ADCY4: variants seen among roughly 807,000 people sequenced by gnomAD.
ADCY4 encodes the protein adenylate cyclase type 4.
Under a neutral mutation model 125.5 loss-of-function variants are expected in ADCY4, and 111 were observed. The ratio of observed to expected loss-of-function variants is 0.88; its 90% CI spans 0.76 to 1.04. ADCY4 has a LOEUF of 1.04. Among genes scored for constraint, ADCY4 ranks in the 50% least tolerant of loss-of-function variants. The pLI is 0.00. For missense variants in ADCY4, 1,256 were observed against 1,382.9 expected (o/e 0.91, Z 1.46); for synonymous variants, 576 against 586.9 (o/e 0.98, Z 0.27).
Position 24,329,509 on chromosome 14 carries a change from G to A in ADCY4, c.1242C>T (p.Thr414=), listed in dbSNP as rs779005240. ...VPGRVHITGA[T]LALLAGAYAV... ...CATAAGCCCCTGCCAGCAGGGCCAGGGTAGCCCCTGTGATGTGCACTCGCC... is the reference window on the plus strand; with the variant it reads ...CATAAGCCCCTGCCAGCAGGGCCAGAGTAGCCCCTGTGATGTGCACTCGCC... Residue 414 remains threonine, a synonymous_variant, in exon 9 of 25, where the codon ACC becomes ACT. Coordinates refer to ENST00000418030, the MANE Select transcript of ADCY4 (RefSeq NM_001198568.2). The A allele has an allele frequency of 1.9e-6, 3 of 1,551,924 alleles. No individual in the cohort carries two copies. Among genetic ancestry groups the A allele is most frequent in the Non-Finnish European group, 2.6e-6 (3 of 1,152,758 alleles).
In ADCY4 at chr14:24,318,541, G is replaced by C. The variant is rs777454246; in HGVS notation, c.3109C>G (p.Gln1037Glu). Residue 1037 changes from glutamine (Q) to glutamate (E), a missense_variant, in exon 25 of 25, where the codon CAG becomes GAG. Gln to Glu is a conservative substitution (Grantham distance 29). Transcript: ENST00000418030. Reference sequence around the variant, plus strand: ...CTGTAGCAGGTGTAGCCCAGGGACTGTAGGGCCCATGCTGTCTCCTCAGTC... The same window carrying C: ...CTGTAGCAGGTGTAGCCCAGGGACTCTAGGGCCCATGCTGTCTCCTCAGTC... ...QVTEETAWAL[Q>E]SLGYTCYSRG... 9 of 1,614,182 alleles carry C rather than the reference G, an allele frequency of 5.6e-6. No homozygotes were observed. In the East Asian group the frequency reaches 6.7e-5, roughly 12 times the overall value.
At position 24,334,347 on chromosome 14, in the gene ADCY4, G is replaced by A. The variant is rs976016977; in HGVS notation, c.159+147C>T. ...CCAGAAGGGTAGAGTGACTTGCCCA[G>A]GGTCACTGCAGTTCCTAGCCAGGCT... On this transcript the variant is annotated intron_variant, in intron 1 of 24. Coordinates refer to ENST00000418030, the MANE Select transcript of ADCY4 (RefSeq NM_001198568.2). The A allele has an allele frequency of 3.7e-6, 5 of 1,349,334 alleles. No homozygotes were observed. The African/African-American group carries it at 7.4e-5, about 20-fold the overall frequency. 83.6% of individuals were successfully genotyped at this position (1,349,334 alleles called of 1,614,324 possible).
At chr14:24,331,453 G>C (rs986954219) in intron 4 of ADCY4, 97 bp from the exon 5 acceptor site, 48 of 1,534,388 alleles carry the variant, frequency 3.1e-5, no homozygotes, top group Non-Finnish European at 3.9e-5. Context: ...CCCATCCTAG[G>C]TGCTCCCCAG....
chr14:24,319,215 G>A lies in ADCY4; in HGVS notation c.2842-3C>T. The A allele has an allele frequency of 6.2e-7, 1 of 1,614,106 alleles. No homozygotes were observed. The highest frequency in any genetic ancestry group is 8.5e-7 in the Non-Finnish European group (1 of 1,179,994). On this transcript the variant is annotated splice_polypyrimidine_tract_variant and splice_region_variant and intron_variant, in intron 22 of 24. Transcript: ENST00000418030. The surrounding 1 kb of genome is among the most constrained non-coding windows in gnomAD (Gnocchi z 4.5). ...TGGCTGCAGCTCCGTTCAGCATCCT[G>A]GCAATGGGCCCGCCCACCAGGGTGG... is the stretch of plus-strand genomic sequence containing the variant.
At position 24,334,755 on chromosome 14, in the gene ADCY4, C is replaced by T. The variant is rs2042107531; in HGVS notation, c.-103G>A. 6.5e-6 allele frequency: 6 copies of T among 928,794 alleles called. No homozygotes were observed. Among genetic ancestry groups the T allele is most frequent in the Non-Finnish European group, 9.3e-6 (6 of 647,102 alleles). 57.5% of individuals were successfully genotyped at this position (928,794 alleles called of 1,614,324 possible). ...TGAGCTTTTCTCACCCGCTCAAAGCCGCTACCACCCCGCGCCCCCAACCTC... is the reference window on the plus strand; with the variant it reads ...TGAGCTTTTCTCACCCGCTCAAAGCTGCTACCACCCCGCGCCCCCAACCTC... On this transcript the variant is annotated 5_prime_UTR_variant, in exon 1 of 25. Coordinates refer to ENST00000418030, the MANE Select transcript of ADCY4 (RefSeq NM_001198568.2).
In ADCY4 at chr14:24,329,186, G is replaced by C; in HGVS notation, c.1399C>G (p.Leu467Val). The change falls in exon 10 of 25, where the codon CTT becomes GTT. Residue 467 changes from leucine to valine, a missense_variant. Physicochemically the swap from Leu to Val is conservative, Grantham distance 32. Transcript: ENST00000418030. ...KGTAGGLLSSLEGLKMRPSLL... is the reference protein window; with the variant it reads ...KGTAGGLLSSVEGLKMRPSLL... Reference sequence around the variant, plus strand: ...GATGGACGCATCTTGAGGCCCTCAAGCGAGGACAGCAAGCCTCCTGCAGTG... The same window carrying C: ...GATGGACGCATCTTGAGGCCCTCAACCGAGGACAGCAAGCCTCCTGCAGTG... 6.2e-7 allele frequency: 1 copy of C among 1,613,932 alleles called. No individual in the cohort carries two copies.
chr14:24,331,258 C>A lies in ADCY4; in HGVS notation c.768G>T (p.Glu256Asp), dbSNP rs1433759416. 1.2e-6 allele frequency: 2 copies of A among 1,614,202 alleles called. No homozygotes were observed. The highest frequency in any genetic ancestry group is 3.3e-5 in the Admixed American group (2 of 60,034). The change falls in exon 5 of 25, where the codon GAG becomes GAT. Residue 256 changes from glutamate to aspartate, a missense_variant. By Grantham distance (45) the Glu-to-Asp change is conservative. Coordinates refer to ENST00000418030, the MANE Select transcript of ADCY4 (RefSeq NM_001198568.2). ...RLQAGQGSRP[E>D]STNNFHSLYV... is the part of the protein sequence containing the mutation. ...AGAGGCTGTGGAAATTGTTAGTGCT[C>A]TCTGGCCGTGACCCCTGTCCTGCCT...
intron 20 of ADCY4, chr14:24,321,735 T>G (rs1443927802): frequency 6.1e-6 from 6 of 985,446 alleles, no homozygotes; most frequent in Non-Finnish European, 7.4e-6. Context: ...TGTAGCCCAG[T>G]TCCCAACAGG....
At chr14:24,330,958 G>T (rs190414982) in intron 6 of ADCY4, 60 bp downstream of exon 6, 8 of 1,476,464 alleles carry the variant, frequency 5.4e-6, no homozygotes, top group Non-Finnish European at 7.3e-6. Flanking sequence ...TCCCTTGGAA[G>T]GGGCTACCCA....
chr14:24,323,352 T>C lies in ADCY4; in HGVS notation c.2149A>G (p.Ser717Gly). 6.4e-7 allele frequency: 1 copy of C among 1,553,184 alleles called. No individual in the cohort carries two copies. The highest frequency in any genetic ancestry group is 8.7e-7 in the Non-Finnish European group (1 of 1,147,080). Residue 717 changes from serine to glycine, a missense_variant, in exon 17 of 25, where the codon AGT (serine) becomes GGT (glycine). Transcript: ENST00000418030. ...CATGTGGGAACACTCACTGGGACAC[T>C]GATGAGAGGCAGAGACCCAGGGAGC... is the stretch of plus-strand genomic sequence containing the variant. Reference protein sequence around the residue: ...WELPGSLPLISVPYSMHCCTL... With the variant: ...WELPGSLPLIGVPYSMHCCTL...
intron 11 of ADCY4, 44 bp from the exon 12 acceptor site, chr14:24,326,209 G>C: frequency 1.2e-6 from 2 of 1,612,728 alleles, no homozygotes; most frequent in South Asian, 1.1e-5. Context: ...GACCCTCAGA[G>C]CGTCTGGGCA....
At position 24,319,297 on chromosome 14, in the gene ADCY4, G is replaced by A; in HGVS notation, c.2841+32C>T. On this transcript the variant is annotated intron_variant, in intron 22 of 24. Transcript: ENST00000418030. The surrounding 1 kb of genome is among the most constrained non-coding windows in gnomAD (Gnocchi z 4.5). ...ATAAGCCCATCAATGAGAGCCCAGA[G>A]GAGGATGGTAGGTAAGGAAGGGTTG... The A allele has an allele frequency of 1.2e-6, 2 of 1,612,752 alleles. No individual in the cohort carries two copies. Among genetic ancestry groups the A allele is most frequent in the Non-Finnish European group, 1.7e-6 (2 of 1,178,770 alleles).
rs1443160407 is a variant in ADCY4, at chr14:24,325,485, G to A, written c.1726-11C>T. On this transcript the variant is annotated splice_polypyrimidine_tract_variant and intron_variant, in intron 13 of 24. Coordinates refer to ENST00000418030, the MANE Select transcript of ADCY4 (RefSeq NM_001198568.2). ...TGCAGAGAGTCGGTACTGAAAGTGAGAGGGCCAGAGGTGGAGACAGGGTCC... is the reference window on the plus strand; with the variant it reads ...TGCAGAGAGTCGGTACTGAAAGTGAAAGGGCCAGAGGTGGAGACAGGGTCC... 1 of 1,607,396 alleles carries A rather than the reference G, an allele frequency of 6.2e-7. No homozygotes were observed.
intron 10 of ADCY4, among the ~76,000 whole-genome samples, chr14:24,328,148 C>A (rs1486160615): frequency 6.6e-6 from 1 of 150,456 alleles, no homozygotes; most frequent in African/African-American, 2.5e-5. Flanking sequence ...GGAAGACGCC[C>A]GTCACCAAGC....
At chr14:24,321,739 C>T in intron 20 of ADCY4, 1 of 1,004,934 alleles carries the variant, frequency 1.0e-6, no homozygotes, top group Non-Finnish European at 1.2e-6. Flanking sequence ...GCCCAGTTCC[C>T]AACAGGTCAT....
chr14:24,334,670 G>C lies in ADCY4; in HGVS notation c.-18C>G, dbSNP rs949457313. The C allele has an allele frequency of 3.3e-6, 5 of 1,526,622 alleles. No homozygotes were observed. In the African/African-American group the frequency reaches 4.2e-5, roughly 13 times the overall value. 94.6% of individuals were successfully genotyped at this position (1,526,622 alleles called of 1,614,324 possible). On this transcript the variant is annotated 5_prime_UTR_variant, in exon 1 of 25. Coordinates refer to ENST00000418030, the MANE Select transcript of ADCY4 (RefSeq NM_001198568.2). ...CGGGCCATGATCTCCCCAGCCCCGAGCCCCGGGGCTGGCTAGGGCCGGGCG... is the reference window on the plus strand; with the variant it reads ...CGGGCCATGATCTCCCCAGCCCCGACCCCCGGGGCTGGCTAGGGCCGGGCG...
At position 24,322,063 on chromosome 14, in the gene ADCY4, C is replaced by T; in HGVS notation, c.2586+3G>A. On this transcript the variant is annotated splice_donor_region_variant and intron_variant, in intron 20 of 24. Transcript: ENST00000418030. ...GCTCAGGAGTCAGGGGGTCAGGAGT[C>T]ACCTCGTTGCGCCGGTTCTGGCCAA... is the stretch of plus-strand genomic sequence containing the variant. 1 of 1,609,106 alleles carries T rather than the reference C, an allele frequency of 6.2e-7. No homozygotes were observed. The highest frequency in any genetic ancestry group is 8.5e-7 in the Non-Finnish European group (1 of 1,176,316).
intron 12 of ADCY4, 33 bp from the exon 13 acceptor site, chr14:24,325,920 C>A (rs2041934819): frequency 2.5e-6 from 4 of 1,576,256 alleles, no homozygotes; most frequent in Non-Finnish European, 3.5e-6. Context: ...GTGAAAGCAC[C>A]AGAGAACAGA....
intron 10 of ADCY4, among the ~76,000 whole-genome samples, chr14:24,328,218 C>CA (rs1029405127): frequency 1.4e-5 from 1 of 72,096 alleles, no homozygotes; most frequent in Non-Finnish European, 2.7e-5. Context: ...CTTAGCAGAC[C>CA]GGGAAAGCGG....
Sources: allele counts gnomAD v4.1 joint callset (sites outside exome capture counted in the v4.1 genomes callset), GRCh38; gene constraint gnomAD v4.1.1; non-coding constraint Gnocchi (gnomAD v3.1); transcripts MANE v1.5; gene names NCBI Gene and HGNC (gene_info 2026-07-23, HGNC 2026-07-21).